Variants in NEK1 observed in about 807,000 individuals in gnomAD.
NEK1 encodes NIMA related kinase 1, also known as serine/threonine-protein kinase Nek1.
A neutral mutation model predicts 182.1 loss-of-function variants in NEK1; 137 were observed. The observed-to-expected ratio is 0.75, with a 90% CI of 0.65 to 0.87. NEK1 has a LOEUF of 0.87. Among genes scored for constraint, NEK1 ranks in the 40% least tolerant of loss-of-function variants. The probability of loss-of-function intolerance (pLI) is 0.00; values close to 1 mark genes in which losing one functional copy is unlikely to be tolerated. For missense variants in NEK1, 1,391 were observed against 1,494.4 expected, an observed-to-expected ratio of 0.93 and a Z score of 1.14; for synonymous variants, 513 against 492.2, an observed-to-expected ratio of 1.04 and a Z score of -0.56.
At chr4:169,441,763 C>G (rs1739500323) in intron 27 of NEK1, among the ~76,000 whole-genome samples, 1 of 151,704 alleles carries the variant, frequency 6.6e-6, no homozygotes, top group Non-Finnish European at 1.5e-5. Flanking sequence ...CACCCACACA[C>G]ATCATCTAGG....
intron 35 of NEK1, among the ~76,000 whole-genome samples, chr4:169,396,870 A>G (rs1219507698): frequency 1.3e-5 from 2 of 152,104 alleles, no homozygotes; most frequent in Non-Finnish European, 2.9e-5. Context: ...TAAGTACCAT[A>G]TGTAGATGAC....
At chr4:169,514,308 C>A (rs977033952) in intron 19 of NEK1, among the ~76,000 whole-genome samples, 1 of 152,058 alleles carries the variant, frequency 6.6e-6, no homozygotes, top group East Asian at 1.9e-4. Flanking sequence ...TATTTAATTT[C>A]ATCAAAGATA....
Position 169,400,660 on chromosome 4 carries a change from C to A in NEK1, c.3584-9G>T. On this transcript the variant is annotated splice_polypyrimidine_tract_variant and intron_variant, in intron 33 of 35. Coordinates refer to ENST00000507142, the MANE Select transcript of NEK1 (RefSeq NM_001199397.3). ...TTCACCATCACTGTTATCTAAAAAACAAAATTAAAATAGAGATTTGATTTA... is the reference window on the plus strand; with the variant it reads ...TTCACCATCACTGTTATCTAAAAAAAAAAATTAAAATAGAGATTTGATTTA... 6.4e-7 allele frequency: 1 copy of A among 1,555,006 alleles called. No individual in the cohort carries two copies. The highest frequency in any genetic ancestry group is 8.7e-7 in the Non-Finnish European group (1 of 1,148,742).
At chr4:169,417,422 C>G (rs987732353) in intron 31 of NEK1, among the ~76,000 whole-genome samples, 7 of 152,258 alleles carry the variant, frequency 4.6e-5, no homozygotes, top group Middle Eastern at 3.4e-3. Context: ...CTTCTGGTTT[C>G]TATTTGGACA....
chr4:169,503,617 A>C lies in NEK1; in HGVS notation c.2007+3420T>G, dbSNP rs150900434. Among the ~76,000 whole-genome samples, 350 of 152,180 alleles carry C rather than the reference A, an allele frequency of 2.3e-3. 1 individual carries two copies. The highest frequency in any genetic ancestry group is 3.5e-3 in the Admixed American group (54 of 15,282). On this transcript the variant is annotated intron_variant, in intron 23 of 35. Coordinates refer to ENST00000507142, the MANE Select transcript of NEK1 (RefSeq NM_001199397.3). The stretch of plus-strand genomic sequence containing the variant: ...CAAATGTTCCAGGAATCTACGTTTG[A>C]GAAAAGACAATCTCTTCAATAAATG...
chr4:169,395,832 C>G (rs1461446607), intron 35 of NEK1, among the ~76,000 whole-genome samples: 1 of 152,138 alleles, frequency 6.6e-6, no homozygotes, highest in Non-Finnish European at 1.5e-5. Context: ...TCTTCCCGCT[C>G]ATGGTTTTTG....
intron 24 of NEK1, among the ~76,000 whole-genome samples, 183 bp downstream of exon 24, chr4:169,479,220 A>C (rs951424751): frequency 1.3e-5 from 2 of 152,166 alleles, no homozygotes; most frequent in Admixed American, 6.6e-5. Context: ...ACGTGGTCCT[A>C]GATATAAAAC....
At chr4:169,398,378 T>A (rs1731075199) in intron 35 of NEK1, among the ~76,000 whole-genome samples, 1 of 151,996 alleles carries the variant, frequency 6.6e-6, no homozygotes, top group Admixed American at 6.6e-5. Context: ...CTTAAAGGGA[T>A]CCACATGTTA....
At chr4:169,406,918 TA>T (rs1424501933) in intron 31 of NEK1, among the ~76,000 whole-genome samples, 171 bp from the exon 32 acceptor site, 2 of 151,396 alleles carry the variant, frequency 1.3e-5, no homozygotes, top group East Asian at 3.9e-4. Context: ...TATATATATA[TA>T]TTTTTAGAGC....
At chr4:169,416,995 T>C (rs139098264) in intron 31 of NEK1, among the ~76,000 whole-genome samples, 26 of 152,346 alleles carry the variant, frequency 1.7e-4, no homozygotes, top group Non-Finnish European at 3.4e-4. Flanking sequence ...AACTACTATA[T>C]TAGAGTTTCC....
At chr4:169,538,130 A>T (rs1312847969) in intron 18 of NEK1, among the ~76,000 whole-genome samples, 1 of 152,074 alleles carries the variant, frequency 6.6e-6, no homozygotes, top group Non-Finnish European at 1.5e-5. Flanking sequence ...ATTCTACTCT[A>T]AGTCTTCACA....
Position 169,568,551 on chromosome 4 carries a change from G to C in NEK1, c.1021-6355C>G, listed in dbSNP as rs1435238786. ...AATCACAAGTAAAAATATACAAAAAGTATATATAACACTAAGTAAAAACAC... is the reference window on the plus strand; with the variant it reads ...AATCACAAGTAAAAATATACAAAAACTATATATAACACTAAGTAAAAACAC... On this transcript the variant is annotated intron_variant, in intron 12 of 35. Transcript: ENST00000507142. 2.0e-5 allele frequency among the ~76,000 whole-genome samples: 3 copies of C among 151,964 alleles called. No individual in the cohort carries two copies. In the East Asian group the frequency reaches 5.8e-4, roughly 29 times the overall value.
chr4:169,569,360 G>C (rs912851480), intron 12 of NEK1, among the ~76,000 whole-genome samples: 45 of 152,210 alleles, frequency 3.0e-4, no homozygotes, highest in African/African-American at 1.0e-3. Flanking sequence ...AATGTGTAAT[G>C]ATCAAATAAG....
At position 169,440,343 on chromosome 4, in the gene NEK1, T is replaced by A. The variant is rs546911573; in HGVS notation, c.2588-2084A>T. Among the ~76,000 whole-genome samples, 620 of 151,826 alleles carry A rather than the reference T, an allele frequency of 4.1e-3. 4 individuals carry two copies. The highest frequency in any genetic ancestry group is 0.013 in the African/African-American group (549 of 41,282). On this transcript the variant is annotated intron_variant, in intron 27 of 35. Coordinates refer to ENST00000507142, the MANE Select transcript of NEK1 (RefSeq NM_001199397.3). ...TATACCACACAAAAATGGTAAAAAA[T>A]TTTTTTAAAGGGATATTACCTTTCA...
chr4:169,423,709 G>T (rs1449774828), intron 31 of NEK1, among the ~76,000 whole-genome samples: 1 of 152,002 alleles, frequency 6.6e-6, no homozygotes, highest in Non-Finnish European at 1.5e-5. Flanking sequence ...TTATTTTAGG[G>T]AAATAATTGT....
chr4:169,554,551 GAAAAGCCAGT>G (rs1479572837), intron 18 of NEK1: 3 of 151,784 alleles, frequency 2.0e-5, no homozygotes, highest in Non-Finnish European at 2.9e-5. Context: ...TAGTAAGTGA[GAAAAGCCAGT>G]GTGAAAGGCC....
chr4:169,451,007 T>G (rs1741632852), intron 27 of NEK1, among the ~76,000 whole-genome samples: 1 of 152,140 alleles, frequency 6.6e-6, no homozygotes, highest in Non-Finnish European at 1.5e-5. Flanking sequence ...TAAAACAGAC[T>G]TTAAAGCAAC....
rs1402701809 is a variant in NEK1, at chr4:169,585,489, C to T, written c.667G>A (p.Val223Met). The change falls in exon 10 of 36, where the codon GTG (valine) becomes ATG (methionine). Residue 223 changes from valine to methionine, a missense_variant. Physicochemically the swap from Val to Met is conservative, Grantham distance 21. This residue lies in a region of NEK1 where 1,216 missense variants were observed against 1,277.6 expected (regional missense o/e 0.95). Transcript: ENST00000507142. ...LKIISGSFPP[V>M]SLHYSYDLRS... is the part of the protein sequence containing the mutation. ...AGATCATAGGAATAATGCAAAGACA[C>T]AGGTGGAAAAGATCCAGATATTATC... The T allele has an allele frequency of 1.2e-5, 20 of 1,613,590 alleles. No homozygotes were observed. Among genetic ancestry groups the T allele is most frequent in the Non-Finnish European group, 1.7e-5 (20 of 1,179,670 alleles).
chr4:169,511,424 T>C (rs1455693826), intron 19 of NEK1, among the ~76,000 whole-genome samples: 1 of 152,126 alleles, frequency 6.6e-6, no homozygotes, highest in East Asian at 1.9e-4. Context: ...GAATTGAGTA[T>C]TGCTATAGAT....
Sources: gnomAD v4.1 joint callset for allele counts (sites outside exome capture counted in the v4.1 genomes callset) on GRCh38, gnomAD v4.1.1 for gene constraint, gnomAD v4.1.1 regional missense constraint, MANE v1.5 for transcripts, NCBI Gene and HGNC (gene_info 2026-07-23, HGNC 2026-07-21) for gene names.